RAB6A: variants seen among roughly 807,000 people sequenced by gnomAD.
The protein encoded by RAB6A is ras-related protein Rab-6A.
RAB6A carries 8 observed loss-of-function variants against 32.3 expected under a neutral mutation model. The ratio of observed to expected loss-of-function variants is 0.25; its 90% CI spans 0.15 to 0.45. The LOEUF (loss-of-function observed/expected upper bound fraction) is 0.45, where lower values mean the gene tolerates loss of function less well. RAB6A is among the 20% of genes least tolerant of loss of function. The pLI, the probability that RAB6A is intolerant of heterozygous loss-of-function variation, is 1.00. For missense variants in RAB6A, 104 were observed against 249.4 expected, an observed-to-expected ratio of 0.42 and a Z score of 3.93; for synonymous variants, 73 against 82.1, an observed-to-expected ratio of 0.89 and a Z score of 0.60.
intron 1 of RAB6A, among the ~76,000 whole-genome samples, chr11:73,732,493 G>A (rs1311087925): frequency 2.6e-5 from 4 of 152,222 alleles, no homozygotes. Context: ...CGCTGAGGCA[G>A]GAGAATGGCG....
At chr11:73,700,051 ATCT>A (rs1307095928) in intron 6 of RAB6A, among the ~76,000 whole-genome samples, 2 of 152,194 alleles carry the variant, frequency 1.3e-5, no homozygotes, top group East Asian at 1.9e-4. Flanking sequence ...TTTCAAACAA[ATCT>A]TCTTTTTATG....
At chr11:73,733,954 T>C (rs922856706) in intron 1 of RAB6A, among the ~76,000 whole-genome samples, 1 of 152,158 alleles carries the variant, frequency 6.6e-6, no homozygotes, top group Admixed American at 6.6e-5. Flanking sequence ...AAATAAAATC[T>C]TTTTCTCAAA....
intron 6 of RAB6A, among the ~76,000 whole-genome samples, chr11:73,706,872 C>G (rs1414317340): frequency 6.6e-6 from 1 of 152,134 alleles, no homozygotes; most frequent in Non-Finnish European, 1.5e-5. Flanking sequence ...TGTCCCAGCA[C>G]TTTGGGAGGC....
intron 1 of RAB6A, among the ~76,000 whole-genome samples, chr11:73,742,599 G>A (rs1437281187): frequency 2.0e-5 from 3 of 151,930 alleles, no homozygotes; most frequent in Non-Finnish European, 4.4e-5. Context: ...ATCACCTGAG[G>A]TCAGGAGTTC....
chr11:73,742,020 G>A (rs1237816730), intron 1 of RAB6A, among the ~76,000 whole-genome samples: 9 of 152,170 alleles, frequency 5.9e-5, no homozygotes, highest in African/African-American at 1.9e-4. Context: ...GGTGGCTCAC[G>A]CCTGTAATTC....
At chr11:73,731,717 TATATATATATATATAC>T (rs1267021691) in intron 1 of RAB6A, among the ~76,000 whole-genome samples, 2,299 of 15,092 alleles carry the variant, frequency 0.15, 117 homozygotes, top group Non-Finnish European at 0.26. Flanking sequence ...TATATATATA[TATATATATATATATAC>T]ACACACACAC....
chr11:73,733,150 T>G (rs544281422), intron 1 of RAB6A, among the ~76,000 whole-genome samples: 1 of 152,268 alleles, frequency 6.6e-6, no homozygotes, highest in Non-Finnish European at 1.5e-5. Flanking sequence ...CTTGTCTTGG[T>G]TGGCAGAAGC....
intron 5 of RAB6A, among the ~76,000 whole-genome samples, chr11:73,709,817 T>G (rs1403825131): frequency 1.6e-5 from 1 of 60,984 alleles, no homozygotes; most frequent in African/African-American, 5.0e-5. Flanking sequence ...TGTAATGAAT[T>G]CATGCATATA....
At chr11:73,719,030 G>A (rs1946095403) in intron 3 of RAB6A, 3 of 700,518 alleles carry the variant, frequency 4.3e-6, no homozygotes, top group Non-Finnish European at 6.8e-6. Flanking sequence ...CAGGGAGTGA[G>A]GAATGAAAAT....
intron 1 of RAB6A, among the ~76,000 whole-genome samples, chr11:73,757,135 T>A (rs1359649878): frequency 3.1e-3 from 221 of 71,916 alleles, no homozygotes; most frequent in Non-Finnish European, 4.0e-3. Context: ...ATATATTTTT[T>A]TTTTTTTTTT....
intron 1 of RAB6A, among the ~76,000 whole-genome samples, chr11:73,739,783 C>G (rs887703002): frequency 1.1e-4 from 17 of 151,816 alleles, no homozygotes; most frequent in African/African-American, 3.9e-4. Flanking sequence ...CAGGCCGGGC[C>G]CGGTGGCTCA....
intron 1 of RAB6A, among the ~76,000 whole-genome samples, chr11:73,755,803 G>C (rs1402688274): frequency 6.7e-6 from 1 of 149,180 alleles, no homozygotes; most frequent in African/African-American, 2.5e-5. Flanking sequence ...AAGGAAGGGG[G>C]AGGTGGAAAG....
intron 1 of RAB6A, among the ~76,000 whole-genome samples, chr11:73,755,377 T>G (rs1039220664): frequency 6.6e-6 from 1 of 151,954 alleles, no homozygotes; most frequent in Non-Finnish European, 1.5e-5. Context: ...CACTGCAACC[T>G]CCACCTCCCG....
At chr11:73,747,978 C>T (rs1220190679) in intron 1 of RAB6A, among the ~76,000 whole-genome samples, 1 of 152,156 alleles carries the variant, frequency 6.6e-6, no homozygotes, top group African/African-American at 2.4e-5. Flanking sequence ...TTTCTTCACC[C>T]TGAAGTTAAT....
Position 73,760,638 on chromosome 11 carries a change from TG to T in RAB6A, c.-4del. The T allele has an allele frequency of 6.2e-7, 1 of 1,608,666 alleles. No homozygotes were observed. The highest frequency in any genetic ancestry group is 1.3e-5 in the African/African-American group (1 of 74,908). ...CCGAAGTCTCCGCCCGTGGACATTGTGGAACTAGAGGAGCGGCCGCCGCCTC... is the reference window on the plus strand; with the variant it reads ...CCGAAGTCTCCGCCCGTGGACATTGTGAACTAGAGGAGCGGCCGCCGCCTC... On this transcript the variant is annotated 5_prime_UTR_variant, in exon 1 of 8. Coordinates refer to ENST00000336083, the MANE Select transcript of RAB6A (RefSeq NM_198896.2).
chr11:73,751,938 AAAAAAC>A lies in RAB6A; in HGVS notation c.70+8622_70+8627del, dbSNP rs549333967. Among the ~76,000 whole-genome samples the A allele has an allele frequency of 1.4e-3, 215 of 152,250 alleles. 2 individuals carry two copies. Among genetic ancestry groups the A allele is most frequent in the African/African-American group, 5.1e-3 (211 of 41,570 alleles). On this transcript the variant is annotated intron_variant, in intron 1 of 7. Transcript: ENST00000336083. ...GACCCACAAACCCACACAAGAGCAT[AAAAAAC>A]AAAAACAAAAACACAACTCTCAGTG...
chr11:73,741,869 A>C (rs747303144), intron 1 of RAB6A, among the ~76,000 whole-genome samples: 6 of 152,264 alleles, frequency 3.9e-5, no homozygotes, highest in Non-Finnish European at 7.3e-5. Flanking sequence ...GATCAGTTTT[A>C]GGTTCACAGC....
At chr11:73,687,437 G>C (rs1327106117) in intron 6 of RAB6A, among the ~76,000 whole-genome samples, 3 of 152,114 alleles carry the variant, frequency 2.0e-5, no homozygotes, top group Non-Finnish European at 2.9e-5. Flanking sequence ...TCTCATCTTG[G>C]CCTCCCAAAA....
intron 6 of RAB6A, among the ~76,000 whole-genome samples, chr11:73,683,423 T>G (rs1174667499): frequency 6.6e-6 from 1 of 151,276 alleles, no homozygotes; most frequent in African/African-American, 2.4e-5. Context: ...ACCTGGCTAA[T>G]TTTTGTATTT....
Sources: gnomAD v4.1 joint callset for allele counts (sites outside exome capture counted in the v4.1 genomes callset) on GRCh38, gnomAD v4.1.1 for gene constraint, MANE v1.5 for transcripts, NCBI Gene and HGNC (gene_info 2026-07-23, HGNC 2026-07-21) for gene names.